Variants in RYR2 observed in about 807,000 individuals in gnomAD.
RYR2 encodes cardiac muscle ryanodine receptor-calcium release channel.
In RYR2, 227 loss-of-function variants were observed where a neutral mutation model predicts 601.1. The ratio of observed to expected loss-of-function variants is 0.38; its 90% CI spans 0.34 to 0.42. The LOEUF is 0.42. Ranked by LOEUF, RYR2 falls within the 10% of genes least tolerant of loss-of-function variation. The pLI is 1.00. For missense variants in RYR2, 4,646 were observed against 6,156.5 expected, an observed-to-expected ratio of 0.75 and a Z score of 8.21; for synonymous variants, 2,223 against 2,175.1, an observed-to-expected ratio of 1.02 and a Z score of -0.61.
chr1:237,812,973 G>T (rs148607257), intron 100 of RYR2, among the ~76,000 whole-genome samples: 1 of 151,148 alleles, frequency 6.6e-6, no homozygotes, highest in Non-Finnish European at 1.5e-5. Flanking sequence ...TACTAGTGAC[G>T]ACTCTCCATC....
At chr1:237,464,143 A>G (rs1486894238) in intron 16 of RYR2, among the ~76,000 whole-genome samples, 3 of 152,040 alleles carry the variant, frequency 2.0e-5, no homozygotes, top group Admixed American at 6.6e-5. Flanking sequence ...GACATCACCT[A>G]TTCCCTCCTC....
chr1:237,167,317 GA>G (rs965130073), intron 1 of RYR2, among the ~76,000 whole-genome samples: 121 of 152,234 alleles, frequency 7.9e-4, no homozygotes, highest in African/African-American at 2.8e-3. Flanking sequence ...TCTGCCTTTT[GA>G]TAAAAATTTC....
chr1:237,542,911 C>G (rs537725997), intron 25 of RYR2, among the ~76,000 whole-genome samples: 3 of 152,132 alleles, frequency 2.0e-5, no homozygotes, highest in Non-Finnish European at 2.9e-5. Flanking sequence ...CTGGTCCTCA[C>G]TTGGGCAGAA....
At chr1:237,625,276 A>G (rs1414230101) in intron 39 of RYR2, among the ~76,000 whole-genome samples, 1 of 152,162 alleles carries the variant, frequency 6.6e-6, no homozygotes, top group East Asian at 1.9e-4. Context: ...GAGGAGAATT[A>G]AAGTCTGTGG....
chr1:237,111,525 T>C (rs1572672995), intron 1 of RYR2, among the ~76,000 whole-genome samples: 1 of 147,934 alleles, frequency 6.8e-6, no homozygotes, highest in Non-Finnish European at 1.5e-5. Context: ...GAGGCGGAGG[T>C]TGCAGTGAGC....
At chr1:237,270,726 A>AAGGGATAT in intron 2 of RYR2, 110 bp downstream of exon 2, 1 of 1,204,972 alleles carries the variant, frequency 8.3e-7, no homozygotes, top group Non-Finnish European at 1.2e-6. Context: ...ATATAAATGA[A>AAGGGATAT]AGGGATATAA....
intron 1 of RYR2, 65 bp downstream of exon 1, chr1:237,042,634 C>G: frequency 8.1e-7 from 1 of 1,240,676 alleles, no homozygotes; most frequent in South Asian, 4.1e-5. Context: ...CTAGCGGGGT[C>G]CGGGCAGAGT....
intron 25 of RYR2, among the ~76,000 whole-genome samples, chr1:237,537,157 A>G (rs578053254): frequency 6.6e-6 from 1 of 152,354 alleles, no homozygotes; most frequent in African/African-American, 2.4e-5. Context: ...GCCTAATCTT[A>G]TAAGACCCAT....
intron 98 of RYR2, 32 bp from the exon 99 acceptor site, chr1:237,806,105 A>G (rs1660605968): frequency 6.2e-7 from 1 of 1,604,086 alleles, no homozygotes; most frequent in Non-Finnish European, 8.5e-7. Context: ...CTGTTTTCTG[A>G]CATGTTCTTT....
intron 29 of RYR2, among the ~76,000 whole-genome samples, chr1:237,578,693 ACCCATTCT>A (rs778542934): frequency 0.3 from 44,517 of 150,680 alleles, 7,252 homozygotes; most frequent in East Asian, 0.6. Flanking sequence ...AAGGTCTCTC[ACCCATTCT>A]GCAGTTTTGA....
intron 1 of RYR2, among the ~76,000 whole-genome samples, chr1:237,122,477 T>C (rs1232171669): frequency 1.3e-5 from 2 of 149,440 alleles, no homozygotes; most frequent in Non-Finnish European, 3.0e-5. Flanking sequence ...AGGCCAGGAG[T>C]TTGAGACCAG....
rs1009031959 is a variant in RYR2 at position 237,481,826 on chromosome 1, A to C, written c.1709-9980A>C. On this transcript the variant is annotated intron_variant, in intron 17 of 104. Transcript: ENST00000366574. Reference sequence around the variant, plus strand: ...CTGTGTAGCAAAAAAAAAAAAAAAAAAAAAAAAAACCACCTCCCAAACTCC... The same window carrying C: ...CTGTGTAGCAAAAAAAAAAAAAAAACAAAAAAAAACCACCTCCCAAACTCC... 3.7e-3 allele frequency among the ~76,000 whole-genome samples: 561 copies of C among 149,944 alleles called. 14 individuals carry two copies. Among genetic ancestry groups the C allele is most frequent in the African/African-American group, 0.012 (484 of 40,442 alleles).
chr1:237,107,382 G>C (rs1212018734), intron 1 of RYR2, among the ~76,000 whole-genome samples: 2 of 150,120 alleles, frequency 1.3e-5, no homozygotes, highest in Non-Finnish European at 1.5e-5. Context: ...TTAGCTGGAC[G>C]TGGTGGCGGG....
rs777640285 is a variant in RYR2 at position 237,614,636 on chromosome 1, C to T, written c.5508C>T (p.Asn1836=). 2.6e-5 allele frequency: 42 copies of T among 1,613,892 alleles called. No homozygotes were observed. Among genetic ancestry groups the T allele is most frequent in the Admixed American group, 1.0e-4 (6 of 60,008 alleles). The change falls in exon 37 of 105, where the codon AAC becomes AAT. Residue 1836 remains asparagine, a synonymous_variant. Coordinates refer to ENST00000366574, the MANE Select transcript of RYR2 (RefSeq NM_001035.3). This position sits in a 1 kb window ranked among gnomAD's most constrained non-coding sequence, Gnocchi z 4.3. ...YTLLIMGIFH[N]EDLKHILQLI... ...TGCTGATCATGGGCATCTTTCACAACGAGGACTTGAAGCACATCTTGCAGT... is the reference window on the plus strand; with the variant it reads ...TGCTGATCATGGGCATCTTTCACAATGAGGACTTGAAGCACATCTTGCAGT...
chr1:237,274,098 G>T (rs924904720), intron 2 of RYR2, among the ~76,000 whole-genome samples: 1 of 146,102 alleles, frequency 6.8e-6, no homozygotes, highest in Non-Finnish European at 1.5e-5. Flanking sequence ...GTAGATATAT[G>T]ATAATGTAGA....
chr1:237,421,156 T>A (rs1056804703), intron 11 of RYR2, among the ~76,000 whole-genome samples: 4 of 152,194 alleles, frequency 2.6e-5, no homozygotes, highest in African/African-American at 9.6e-5. Context: ...AGAGAATCGC[T>A]TGAACCCGGG....
intron 1 of RYR2, among the ~76,000 whole-genome samples, chr1:237,265,733 C>T (rs931750463): frequency 1.3e-5 from 2 of 152,156 alleles, no homozygotes; most frequent in African/African-American, 4.8e-5. Context: ...GCTAAAGCTC[C>T]TTGGAAGGGA....
intron 100 of RYR2, among the ~76,000 whole-genome samples, chr1:237,816,514 C>T (rs529920423): frequency 6.6e-6 from 1 of 151,982 alleles, no homozygotes; most frequent in East Asian, 1.9e-4. Flanking sequence ...CATGGTGAAA[C>T]TCCATCTCTA....
At position 237,256,323 on chromosome 1, in the gene RYR2, T is replaced by C. The variant is rs959110492; in HGVS notation, c.49-14174T>C. Among the ~76,000 whole-genome samples, 8 of 152,192 alleles carry C rather than the reference T, an allele frequency of 5.3e-5. No homozygotes were observed. The South Asian group carries it at 8.3e-4, about 16-fold the overall frequency. ...AAACCTCTTTTTCTTTATAAATTACTCAGTCTCTGGTATGTCTTTATCAGC... is the reference window on the plus strand; with the variant it reads ...AAACCTCTTTTTCTTTATAAATTACCCAGTCTCTGGTATGTCTTTATCAGC... On this transcript the variant is annotated intron_variant, in intron 1 of 104. Coordinates refer to ENST00000366574, the MANE Select transcript of RYR2 (RefSeq NM_001035.3).
Sources: allele counts gnomAD v4.1 joint callset (sites outside exome capture counted in the v4.1 genomes callset), GRCh38; gene constraint gnomAD v4.1.1; non-coding constraint Gnocchi (gnomAD v3.1); transcripts MANE v1.5; gene names NCBI Gene and HGNC (gene_info 2026-07-23, HGNC 2026-07-21).